FAM167A: variants seen among roughly 807,000 people sequenced by gnomAD.
FAM167A encodes family with sequence similarity 167 member A.
A neutral mutation model predicts 14.9 loss-of-function variants in FAM167A; 23 were observed. The observed-to-expected ratio is 1.55, with a 90% confidence interval of 1.11 to 2.19. FAM167A has a LOEUF of 2.19. FAM167A is among the 30% of genes most tolerant of loss of function. The probability of loss-of-function intolerance (pLI) is 0.00; values close to 1 mark genes in which losing one functional copy is unlikely to be tolerated. For missense variants in FAM167A, 401 were observed against 281.5 expected (o/e 1.42, Z -3.04); for synonymous variants, 174 against 117.7 (o/e 1.48, Z -3.10).
intron 1 of FAM167A, among the ~76,000 whole-genome samples, chr8:11,475,577 G>A (rs1585293427): frequency 6.6e-6 from 1 of 152,114 alleles, no homozygotes; most frequent in African/African-American, 2.4e-5. Context: ...TACTCCTTCT[G>A]AACCTCCTGC....
chr8:11,445,245 G>A, intron 1 of FAM167A: 1 of 985,464 alleles, frequency 1.0e-6, no homozygotes, highest in Non-Finnish European at 1.2e-6. Flanking sequence ...GGGGTCCCCA[G>A]AGCCAGCCAG....
At chr8:11,438,309 C>A (rs1332212734) in intron 2 of FAM167A, 2 of 405,646 alleles carry the variant, frequency 4.9e-6, no homozygotes, top group Non-Finnish European at 9.8e-6. Context: ...TTGGGGTCAG[C>A]TGCAGCTCCC....
intron 1 of FAM167A, among the ~76,000 whole-genome samples, chr8:11,453,016 C>G (rs1262060006): frequency 1.3e-5 from 2 of 152,168 alleles, no homozygotes; most frequent in East Asian, 3.9e-4. Flanking sequence ...ACGGCTGCCC[C>G]CATTCCCCTG....
At chr8:11,434,901 T>TG (rs1233791567) in intron 2 of FAM167A, 3 of 389,048 alleles carry the variant, frequency 7.7e-6, no homozygotes, top group Non-Finnish European at 1.6e-5. Context: ...GGAGAGAGAG[T>TG]GGGAGAGATG....
chr8:11,427,650 GTTC>G (rs1805273935), intron 2 of FAM167A, among the ~76,000 whole-genome samples: 1 of 152,274 alleles, frequency 6.6e-6, no homozygotes, highest in East Asian at 1.9e-4. Flanking sequence ...GCATCTCAAT[GTTC>G]TTTTTTTCCT....
chr8:11,431,726 T>G (rs1188386343), intron 2 of FAM167A, among the ~76,000 whole-genome samples: 3 of 151,098 alleles, frequency 2.0e-5, no homozygotes, highest in African/African-American at 4.9e-5. Context: ...TGCTGGGGAA[T>G]GGGGGCCCAG....
At chr8:11,457,276 T>G (rs115826830) in intron 1 of FAM167A, among the ~76,000 whole-genome samples, 13,557 of 152,034 alleles carry the variant, frequency 0.089, 650 homozygotes, top group South Asian at 0.12. Context: ...TCCCCCTTCC[T>G]GGAAGCCTCC....
At chr8:11,438,260 AAGACAGCC>A in intron 2 of FAM167A, 1 of 406,172 alleles carries the variant, frequency 2.5e-6, no homozygotes, top group South Asian at 1.8e-5. Flanking sequence ...TTGACCCTGC[AAGACAGCC>A]AGGAAAGGGA....
At chr8:11,468,429 A>T (rs953744198), upstream of FAM167A, among the ~76,000 whole-genome samples, 4 of 152,248 alleles carry the variant, frequency 2.6e-5, no homozygotes, top group African/African-American at 7.2e-5. Context: ...CCCCTGCCTT[A>T]TGTCCTTCAT....
chr8:11,447,843 G>A (rs1806852816), intron 1 of FAM167A, among the ~76,000 whole-genome samples: 1 of 152,202 alleles, frequency 6.6e-6, no homozygotes, highest in Non-Finnish European at 1.5e-5. Flanking sequence ...CAACCGGAAC[G>A]ACTACATAAT....
intron 2 of FAM167A, chr8:11,438,663 C>G (rs1806219856): frequency 5.2e-6 from 2 of 387,930 alleles, no homozygotes; most frequent in Admixed American, 6.7e-5. Flanking sequence ...GGTGTATTTC[C>G]TTTCCTGGTT....
rs761201168 is a variant in FAM167A, at chr8:11,444,324, G to A, written c.88C>T (p.Leu30=). 8.1e-6 allele frequency: 13 copies of A among 1,611,160 alleles called. No homozygotes were observed. Among genetic ancestry groups the A allele is most frequent in the Non-Finnish European group, 5.1e-6 (6 of 1,179,190 alleles). ...AAPPDDHLRS[L]KALTEKLRLE... is the part of the protein sequence containing the mutation. ...CTCAGTTTCTCGGTGAGGGCCTTCA[G>A]GCTCCGGAGGTGGTCATCGGGTGGT... is the stretch of plus-strand genomic sequence containing the variant. The change falls in exon 2 of 3, where the codon CTG becomes TTG. Residue 30 remains leucine, a synonymous_variant. Transcript: ENST00000284486.
intron 2 of FAM167A, among the ~76,000 whole-genome samples, chr8:11,439,062 G>C (rs1334207835): frequency 6.6e-6 from 1 of 152,254 alleles, no homozygotes; most frequent in East Asian, 1.9e-4. Flanking sequence ...GATGTGCCCA[G>C]AACAAAGAGA....
At chr8:11,465,058 G>C (rs530241761) in intron 1 of FAM167A, among the ~76,000 whole-genome samples, 16 of 152,262 alleles carry the variant, frequency 1.1e-4, no homozygotes, top group African/African-American at 2.9e-4. Flanking sequence ...AACAGGGTGT[G>C]GGGGAGCAAC....
At chr8:11,459,518 G>A (rs1450263070) in intron 1 of FAM167A, among the ~76,000 whole-genome samples, 3 of 152,248 alleles carry the variant, frequency 2.0e-5, no homozygotes, top group African/African-American at 4.8e-5. Flanking sequence ...GCCTCGGTCT[G>A]CAGTGCCAAG....
rs1804763800 is a variant in FAM167A at position 11,422,022 on chromosome 8, T to C, written c.*2351A>G. The stretch of plus-strand genomic sequence containing the variant: ...CTTCTCATCTTGGGTCACCTCCTCA[T>C]CCCATAATAAAGTTCTCTTAGGATA... On this transcript the variant is annotated 3_prime_UTR_variant, in exon 3 of 3. Transcript: ENST00000284486. 12 of 393,592 alleles carry C rather than the reference T, an allele frequency of 3.0e-5. No homozygotes were observed. In the East Asian group the frequency reaches 4.0e-4, roughly 13 times the overall value. The allele number at this position is 393,592 out of a possible 1,614,324, so 24.4% of individuals were successfully genotyped here.
At chr8:11,435,030 C>T (rs1021442635) in intron 2 of FAM167A, 6 of 456,734 alleles carry the variant, frequency 1.3e-5, no homozygotes, top group African/African-American at 4.0e-5. Context: ...TGCCTGCCTC[C>T]CCCCCTCACT....
At position 11,444,709 on chromosome 8, in the gene FAM167A, T is replaced by A; in HGVS notation, c.-298A>T. On this transcript the variant is annotated 5_prime_UTR_variant, in exon 2 of 3. Coordinates refer to ENST00000284486, the MANE Select transcript of FAM167A (RefSeq NM_053279.3). ...GCGTCGCAGGAATCTCGGGGCAGCC[T>A]GTGCCAAGGTCTATCTGTCCTGAAC... 8.4e-7 allele frequency: 1 copy of A among 1,184,644 alleles called. No homozygotes were observed. Among genetic ancestry groups the A allele is most frequent in the Non-Finnish European group, 1.0e-6 (1 of 954,524 alleles). The allele number at this position is 1,184,644 out of a possible 1,614,324, so 73.4% of individuals were successfully genotyped here.
intron 2 of FAM167A, among the ~76,000 whole-genome samples, chr8:11,436,592 C>T (rs1248873870): frequency 6.6e-6 from 1 of 152,216 alleles, no homozygotes; most frequent in Non-Finnish European, 1.5e-5. Context: ...CTTCTCAATT[C>T]CACCTGCAGG....
Sources: gnomAD v4.1 joint callset for allele counts (sites outside exome capture counted in the v4.1 genomes callset) on GRCh38, gnomAD v4.1.1 for gene constraint, MANE v1.5 for transcripts, NCBI Gene and HGNC (gene_info 2026-07-23, HGNC 2026-07-21) for gene names.